Variants in KIRREL3 observed in about 807,000 individuals in gnomAD.
KIRREL3 encodes kirre like nephrin family adhesion molecule 3.
In KIRREL3, 36 loss-of-function variants were observed where a neutral mutation model predicts 89.7. That is an observed-to-expected ratio of 0.40 (90% CI 0.31 to 0.53). The LOEUF (loss-of-function observed/expected upper bound fraction) is 0.53. KIRREL3 is among the 20% of genes least tolerant of loss of function. KIRREL3 has a pLI of 0.49. For missense variants in KIRREL3, 864 were observed against 1,056.6 expected (o/e 0.82, Z 2.53); for synonymous variants, 445 against 441.4 (o/e 1.01, Z -0.10).
intron 1 of KIRREL3, among the ~76,000 whole-genome samples, chr11:126,915,520 G>A (rs984666371): frequency 5.9e-5 from 9 of 152,148 alleles, no homozygotes; most frequent in African/African-American, 2.2e-4. Context: ...TGTGATTTGA[G>A]AGATGAATTC....
chr11:126,427,170 T>G lies in KIRREL3; in HGVS notation c.1807-1446A>C, dbSNP rs559481696. ...GGATGAAGGACACACATGATTAAGC[T>G]TAAGTATAGAGACGTCATCCCTTCT... On this transcript the variant is annotated intron_variant, in intron 15 of 16. Transcript: ENST00000525144. The surrounding 1 kb of genome is among the most constrained non-coding windows in gnomAD (Gnocchi z 5.3). Among the ~76,000 whole-genome samples the G allele has an allele frequency of 1.9e-3, 296 of 152,310 alleles. No homozygotes were observed. Among genetic ancestry groups the G allele is most frequent in the Non-Finnish European group, 3.4e-3 (229 of 68,026 alleles).
At chr11:126,822,968 C>T (rs943133290) in intron 1 of KIRREL3, among the ~76,000 whole-genome samples, 5 of 152,066 alleles carry the variant, frequency 3.3e-5, no homozygotes, top group Non-Finnish European at 5.9e-5. Flanking sequence ...ATCCAATGAC[C>T]CCACCTCTTA....
At chr11:126,869,885 C>A (rs1299962087) in intron 1 of KIRREL3, among the ~76,000 whole-genome samples, 2 of 152,222 alleles carry the variant, frequency 1.3e-5, no homozygotes, top group African/African-American at 4.8e-5. Flanking sequence ...CTTTCTCTGG[C>A]TTCCAAAGTG....
chr11:126,875,642 C>T (rs1239384790), intron 1 of KIRREL3, among the ~76,000 whole-genome samples: 1 of 152,204 alleles, frequency 6.6e-6, no homozygotes, highest in East Asian at 1.9e-4. Context: ...AAATAAACTC[C>T]TTCCATCCAG....
intron 1 of KIRREL3, among the ~76,000 whole-genome samples, chr11:126,777,459 A>G (rs963287426): frequency 4.6e-5 from 7 of 151,948 alleles, no homozygotes; most frequent in African/African-American, 1.7e-4. Flanking sequence ...TTGGACACCA[A>G]ATGACAAGGT....
intron 1 of KIRREL3, among the ~76,000 whole-genome samples, chr11:126,738,248 A>G (rs907621807): frequency 6.6e-5 from 10 of 152,206 alleles, no homozygotes; most frequent in Admixed American, 4.6e-4. Context: ...TGAATTAATC[A>G]TAGGGGAGTA....
In KIRREL3 at chr11:126,475,173, G is replaced by A. The variant is rs1243925976; in HGVS notation, c.434-1707C>T. On this transcript the variant is annotated intron_variant, in intron 4 of 16. Coordinates refer to ENST00000525144, the MANE Select transcript of KIRREL3 (RefSeq NM_032531.4). The surrounding 1 kb of genome is among the most constrained non-coding windows in gnomAD (Gnocchi z 7.5). ...CTCTGCCTGGTGGCCAGAGAAGCCC[G>A]CCCTTCTATGCAGGCTCTGTGCTCG... Among the ~76,000 whole-genome samples the A allele has an allele frequency of 3.3e-5, 5 of 152,198 alleles. No homozygotes were observed. The highest frequency in any genetic ancestry group is 9.6e-5 in the African/African-American group (4 of 41,460).
At chr11:126,966,036 T>C (rs1949260204) in intron 1 of KIRREL3, among the ~76,000 whole-genome samples, 1 of 152,192 alleles carries the variant, frequency 6.6e-6, no homozygotes, top group South Asian at 2.1e-4. Flanking sequence ...ACAATTTGAC[T>C]TGAAGAGATG....
intron 1 of KIRREL3, among the ~76,000 whole-genome samples, chr11:126,598,353 G>T (rs894575678): frequency 2.0e-5 from 3 of 152,184 alleles, no homozygotes; most frequent in Non-Finnish European, 4.4e-5. Context: ...TACTTTCATT[G>T]TTGGTGTGGC....
intron 1 of KIRREL3, among the ~76,000 whole-genome samples, chr11:126,886,732 A>T (rs371566338): frequency 5.9e-5 from 9 of 152,132 alleles, no homozygotes; most frequent in East Asian, 5.8e-4. Flanking sequence ...TGAACTAAGC[A>T]TTGGGCTGGT....
rs890673623 is a variant in KIRREL3, at chr11:126,797,809, C to A, written c.55+202646G>T. ...TTTTGTCCTTGTAAATCAGAAGCACCGGGAGCAATTTATTTCTAAACATCA... is the reference window on the plus strand; with the variant it reads ...TTTTGTCCTTGTAAATCAGAAGCACAGGGAGCAATTTATTTCTAAACATCA... On this transcript the variant is annotated intron_variant, in intron 1 of 16. Transcript: ENST00000525144. This position sits in a 1 kb window ranked among gnomAD's most constrained non-coding sequence, Gnocchi z 4.9. Among the ~76,000 whole-genome samples the A allele has an allele frequency of 6.6e-6, 1 of 152,068 alleles. No individual in the cohort carries two copies. The highest frequency in any genetic ancestry group is 1.5e-5 in the Non-Finnish European group (1 of 68,002).
In KIRREL3 at chr11:126,441,667, A is replaced by G. The variant is rs902209030; in HGVS notation, c.1253-1118T>C. On this transcript the variant is annotated intron_variant, in intron 10 of 16. Coordinates refer to ENST00000525144, the MANE Select transcript of KIRREL3 (RefSeq NM_032531.4). The surrounding 1 kb of genome is among the most constrained non-coding windows in gnomAD (Gnocchi z 5.0). The stretch of plus-strand genomic sequence containing the variant: ...GAACAAAACAAAAATTGCTGCAAAC[A>G]TAATTGCTGTTTATTAGCCACCTTA... Among the ~76,000 whole-genome samples the G allele has an allele frequency of 1.3e-5, 2 of 152,262 alleles. No homozygotes were observed. Among genetic ancestry groups the G allele is most frequent in the Non-Finnish European group, 2.9e-5 (2 of 68,048 alleles).
intron 1 of KIRREL3, among the ~76,000 whole-genome samples, chr11:126,929,843 T>A (rs1369857674): frequency 6.6e-6 from 1 of 152,212 alleles, no homozygotes; most frequent in Non-Finnish European, 1.5e-5. Context: ...CTCTGCGCTC[T>A]CTTTCCACTG....
At chr11:126,871,545 G>C (rs987363436) in intron 1 of KIRREL3, among the ~76,000 whole-genome samples, 3 of 152,172 alleles carry the variant, frequency 2.0e-5, no homozygotes, top group Non-Finnish European at 4.4e-5. Context: ...AAAGCTGAAA[G>C]TAGTCATTCT....
intron 1 of KIRREL3, among the ~76,000 whole-genome samples, chr11:126,913,948 T>C (rs1382733875): frequency 6.6e-6 from 1 of 152,236 alleles, no homozygotes; most frequent in African/African-American, 2.4e-5. Context: ...TAGGTCACCC[T>C]TTCCACCTCA....
chr11:126,995,034 C>T lies in KIRREL3; in HGVS notation c.55+5421G>A, dbSNP rs992415997. On this transcript the variant is annotated intron_variant, in intron 1 of 16. Transcript: ENST00000525144. This position sits in a 1 kb window ranked among gnomAD's most constrained non-coding sequence, Gnocchi z 6.5. ...GTCTCGGTGCAGTCGATTCTCACAT[C>T]ATTCCTCTAACTGGAAATAAAAATC... The T allele has an allele frequency of 2.7e-6, 1 of 369,960 alleles. No homozygotes were observed. The highest frequency in any genetic ancestry group is 5.4e-6 in the Non-Finnish European group (1 of 186,718). The allele number at this position is 369,960 out of a possible 1,614,324, so 22.9% of individuals were successfully genotyped here.
chr11:126,473,381 G>A lies in KIRREL3; in HGVS notation c.519C>T (p.Asp173=). ...TGATGGAGGCTGCAGGCTTGGCATTGTCTGCGTGGCAGGTGAGGTTGAGAG... is the reference window on the plus strand; with the variant it reads ...TGATGGAGGCTGCAGGCTTGGCATTATCTGCGTGGCAGGTGAGGTTGAGAG... ...GDPLNLTCHA[D]NAKPAASIIW... The change falls in exon 5 of 17, where the codon GAC becomes GAT. Residue 173 remains aspartate (D), a synonymous_variant. Transcript: ENST00000525144. 3 of 1,570,400 alleles carry A rather than the reference G, an allele frequency of 1.9e-6. No individual in the cohort carries two copies. Among genetic ancestry groups the A allele is most frequent in the Non-Finnish European group, 2.6e-6 (3 of 1,158,928 alleles).
Position 126,710,860 on chromosome 11 carries a change from A to G in KIRREL3, c.56-147948T>C, listed in dbSNP as rs1458320611. ...TGGGAGTTGCTAAAACTCAGTAAAT[A>G]TCATTTTAATAATTAATTAAACTTT... is the stretch of plus-strand genomic sequence containing the variant. On this transcript the variant is annotated intron_variant, in intron 1 of 16. Coordinates refer to ENST00000525144, the MANE Select transcript of KIRREL3 (RefSeq NM_032531.4). The surrounding 1 kb of genome is among the most constrained non-coding windows in gnomAD (Gnocchi z 4.2). Among the ~76,000 whole-genome samples, 1 of 152,250 alleles carries G rather than the reference A, an allele frequency of 6.6e-6. No individual in the cohort carries two copies. The highest frequency in any genetic ancestry group is 1.9e-4 in the East Asian group (1 of 5,202).
chr11:126,936,937 T>A (rs1414198775), intron 1 of KIRREL3: 1 of 152,214 alleles, frequency 6.6e-6, no homozygotes, highest in East Asian at 1.9e-4. Context: ...TGTTAAGGAA[T>A]AGCAGATGCT....
Sources: allele counts gnomAD v4.1 joint callset (sites outside exome capture counted in the v4.1 genomes callset), GRCh38; gene constraint gnomAD v4.1.1; non-coding constraint Gnocchi (gnomAD v3.1); transcripts MANE v1.5; gene names NCBI Gene and HGNC (gene_info 2026-07-23, HGNC 2026-07-21).